PARD3B: variants seen among roughly 807,000 people sequenced by gnomAD.
The protein encoded by PARD3B is par-3 family cell polarity regulator beta.
PARD3B carries 103 observed loss-of-function variants against 130.2 expected under a neutral mutation model. That is an observed-to-expected ratio of 0.79 (90% CI 0.67 to 0.93). The LOEUF (loss-of-function observed/expected upper bound fraction) is 0.93, where lower values mean the gene tolerates loss of function less well. Ranked by LOEUF, PARD3B falls within the 40% of genes least tolerant of loss-of-function variation. The probability of loss-of-function intolerance (pLI) is 0.00; values close to 1 mark genes in which losing one functional copy is unlikely to be tolerated. For missense variants in PARD3B, 1,609 were observed against 1,499.2 expected (o/e 1.07, Z -1.21); for synonymous variants, 583 against 553.2 (o/e 1.05, Z -0.76).
chr2:204,845,405 A>T (rs1233588569), intron 2 of PARD3B, among the ~76,000 whole-genome samples: 1 of 152,152 alleles, frequency 6.6e-6, no homozygotes, highest in African/African-American at 2.4e-5. Flanking sequence ...AAGTTTTTTT[A>T]AAAAGTAAGC....
At chr2:204,816,020 A>AT (rs1207933504) in intron 2 of PARD3B, among the ~76,000 whole-genome samples, 1 of 151,736 alleles carries the variant, frequency 6.6e-6, no homozygotes, top group Non-Finnish European at 1.5e-5. Flanking sequence ...TTTTTTGATG[A>AT]TTTTTTGTTT....
intron 10 of PARD3B, among the ~76,000 whole-genome samples, chr2:205,155,792 G>A (rs930446286): frequency 4.3e-4 from 66 of 152,242 alleles, no homozygotes; most frequent in Non-Finnish European, 7.9e-4. Context: ...TTTCTCTGAT[G>A]GCCAGTGATG....
intron 2 of PARD3B, among the ~76,000 whole-genome samples, chr2:204,792,746 A>G (rs992958869): frequency 1.3e-5 from 2 of 152,158 alleles, no homozygotes; most frequent in African/African-American, 2.4e-5. Context: ...TAAGTAGTCA[A>G]TTAGAAAGGT....
intron 2 of PARD3B, among the ~76,000 whole-genome samples, chr2:204,751,671 G>C (rs1326135630): frequency 6.6e-6 from 1 of 152,106 alleles, no homozygotes; most frequent in Non-Finnish European, 1.5e-5. Context: ...TTGCTGAGTA[G>C]GTATTTTTTA....
At chr2:205,117,615 T>C (rs1305793195) in intron 6 of PARD3B, among the ~76,000 whole-genome samples, 2 of 152,214 alleles carry the variant, frequency 1.3e-5, no homozygotes, top group African/African-American at 2.4e-5. Context: ...TATTTAGGTT[T>C]GAAATTTAAT....
chr2:205,312,592 C>A (rs915438668), intron 18 of PARD3B, among the ~76,000 whole-genome samples: 1 of 152,176 alleles, frequency 6.6e-6, no homozygotes, highest in Non-Finnish European at 1.5e-5. Flanking sequence ...GAAAAGAAAT[C>A]GATGCTAAAC....
chr2:204,809,325 G>A (rs2042883168), intron 2 of PARD3B, among the ~76,000 whole-genome samples: 1 of 152,020 alleles, frequency 6.6e-6, no homozygotes, highest in African/African-American at 2.4e-5. Context: ...ATTGCTTTTG[G>A]CATCTTTGTC....
At chr2:205,255,592 C>G (rs747239512) in intron 16 of PARD3B, among the ~76,000 whole-genome samples, 2 of 152,138 alleles carry the variant, frequency 1.3e-5, no homozygotes, top group African/African-American at 2.4e-5. Flanking sequence ...CTCTGACCAA[C>G]GAGCTGTAAT....
Position 205,348,983 on chromosome 2 carries a change from G to C in PARD3B, c.2630+47282G>C, listed in dbSNP as rs1016066856. ...AAGATAAAAAATATGTATGGTGATA[G>C]AGTGTAATCTTAGCATTGATATTGT... is the stretch of plus-strand genomic sequence containing the variant. On this transcript the variant is annotated intron_variant, in intron 18 of 22. Coordinates refer to ENST00000406610, the MANE Select transcript of PARD3B (RefSeq NM_001302769.2). Among the ~76,000 whole-genome samples, 7 of 152,272 alleles carry C rather than the reference G, an allele frequency of 4.6e-5. No individual in the cohort carries two copies. In the East Asian group the frequency reaches 1.4e-3, roughly 29 times the overall value.
intron 18 of PARD3B, among the ~76,000 whole-genome samples, chr2:205,364,937 C>G (rs1285009756): frequency 3.0e-4 from 46 of 152,130 alleles, no homozygotes; most frequent in Admixed American, 3.0e-3. Context: ...TGTGGTGGCT[C>G]ACGCCTGTAA....
At chr2:205,319,574 G>A (rs1205530202) in intron 18 of PARD3B, among the ~76,000 whole-genome samples, 1 of 152,186 alleles carries the variant, frequency 6.6e-6, no homozygotes, top group Non-Finnish European at 1.5e-5. Context: ...ACCTCTCTAA[G>A]TCAGCCTCTG....
chr2:205,201,271 T>C (rs2036973338), intron 15 of PARD3B, among the ~76,000 whole-genome samples: 1 of 152,138 alleles, frequency 6.6e-6, no homozygotes, highest in South Asian at 2.1e-4. Flanking sequence ...CCCAGATACA[T>C]CAAGCAATGA....
chr2:205,483,808 T>A (rs540339201), intron 20 of PARD3B, among the ~76,000 whole-genome samples: 19 of 152,246 alleles, frequency 1.2e-4, no homozygotes, highest in African/African-American at 4.1e-4. Context: ...AGGCTTATAT[T>A]TTATGTAGAA....
intron 2 of PARD3B, among the ~76,000 whole-genome samples, chr2:204,717,847 A>T (rs1214800755): frequency 6.6e-6 from 1 of 152,146 alleles, no homozygotes; most frequent in Non-Finnish European, 1.5e-5. Context: ...TCAGTCACTG[A>T]CAACCAGGGA....
At chr2:205,240,357 G>A (rs568800437) in intron 15 of PARD3B, among the ~76,000 whole-genome samples, 8 of 152,160 alleles carry the variant, frequency 5.3e-5, no homozygotes, top group African/African-American at 1.9e-4. Flanking sequence ...AAGTATTTAT[G>A]GCCTCATTAG....
chr2:205,175,986 C>T (rs949654060), intron 12 of PARD3B, among the ~76,000 whole-genome samples: 5 of 152,202 alleles, frequency 3.3e-5, no homozygotes, highest in African/African-American at 9.6e-5. Flanking sequence ...CACAGAGACA[C>T]ACTGGTGGTA....
intron 2 of PARD3B, among the ~76,000 whole-genome samples, chr2:204,775,902 C>A (rs188495123): frequency 2.6e-5 from 4 of 152,272 alleles, no homozygotes; most frequent in African/African-American, 9.6e-5. Flanking sequence ...GGTTTCTCCA[C>A]TTCTCTTGGG....
At chr2:205,188,529 A>C (rs1387332471) in intron 14 of PARD3B, among the ~76,000 whole-genome samples, 1 of 152,208 alleles carries the variant, frequency 6.6e-6, no homozygotes, top group Non-Finnish European at 1.5e-5. Context: ...AGAGAAGAGC[A>C]GGGCCTGGAT....
intron 3 of PARD3B, among the ~76,000 whole-genome samples, chr2:204,976,505 G>T (rs1467826836): frequency 6.6e-6 from 1 of 151,260 alleles, no homozygotes; most frequent in South Asian, 2.1e-4. Flanking sequence ...CATAATAGGT[G>T]GTATATAAAT....
Sources: gnomAD v4.1 joint callset for allele counts (sites outside exome capture counted in the v4.1 genomes callset) on GRCh38, gnomAD v4.1.1 for gene constraint, MANE v1.5 for transcripts, NCBI Gene and HGNC (gene_info 2026-07-23, HGNC 2026-07-21) for gene names.